TCF7: variants seen among roughly 807,000 people sequenced by gnomAD.
The protein encoded by TCF7 is T-cell-factor-7.
A neutral mutation model predicts 46.8 loss-of-function variants in TCF7; 19 were observed. The observed-to-expected ratio is 0.41, with a 90% confidence interval of 0.28 to 0.60. TCF7 has a LOEUF of 0.60. Ranked by LOEUF, TCF7 falls within the 20% of genes least tolerant of loss-of-function variation. TCF7 has a pLI of 0.35. For missense variants in TCF7, 547 were observed against 504.6 expected, an observed-to-expected ratio of 1.08 and a Z score of -0.81; for synonymous variants, 245 against 213.4, an observed-to-expected ratio of 1.15 and a Z score of -1.29.
intron 2 of TCF7, 133 bp from the exon 3 acceptor site, chr5:134,115,775 TC>T: frequency 6.6e-7 from 1 of 1,510,426 alleles, no homozygotes; most frequent in South Asian, 1.3e-5. Flanking sequence ...CTGCCGATAC[TC>T]CCAGCCCGTT....
intron 3 of TCF7, among the ~76,000 whole-genome samples, chr5:134,134,859 TG>T (rs1476279628): frequency 6.6e-6 from 1 of 152,210 alleles, no homozygotes; most frequent in Non-Finnish European, 1.5e-5. Context: ...AGAAGGATGC[TG>T]GAGGCTAAAG....
chr5:134,114,361 A>T (rs1359435812), upstream of TCF7, among the ~76,000 whole-genome samples: 6 of 152,160 alleles, frequency 3.9e-5, no homozygotes, highest in East Asian at 1.2e-3. Context: ...ATGGTAAGCC[A>T]CGCCCAAGTC....
In TCF7 at chr5:134,139,012, G is replaced by T. The variant is rs1759323027; in HGVS notation, c.609G>T (p.Met203Ile). Residue 203 changes from methionine to isoleucine, a missense_variant, in exon 5 of 10, where the codon ATG becomes ATT. Met to Ile is a conservative substitution (Grantham distance 10, BLOSUM62 1). Coordinates refer to ENST00000342854, the MANE Select transcript of TCF7 (RefSeq NM_003202.5). ...TCTACTCCCTGACCTCAGGCAGCAT[G>T]GGGCAGCTCCCCCACACTGTGAGCT... ...SGFYSLTSGSMGQLPHTVSWF... is the reference protein window; with the variant it reads ...SGFYSLTSGSIGQLPHTVSWF... 6.2e-7 allele frequency: 1 copy of T among 1,613,892 alleles called. No homozygotes were observed. Among genetic ancestry groups the T allele is most frequent in the Non-Finnish European group, 8.5e-7 (1 of 1,180,012 alleles).
At position 134,147,933 on chromosome 5, in the gene TCF7, G is replaced by C. The variant is rs772853939; in HGVS notation, c.*1630G>C. On this transcript the variant is annotated 3_prime_UTR_variant, in exon 10 of 10. Transcript: ENST00000342854. ...GGAGGTTCCAGTGAGCCGAGATGGCGCTATTGCACTCCAGTCTGGGTAACA... is the reference window on the plus strand; with the variant it reads ...GGAGGTTCCAGTGAGCCGAGATGGCCCTATTGCACTCCAGTCTGGGTAACA... The C allele has an allele frequency of 1.5e-5, 2 of 132,290 alleles. No individual in the cohort carries two copies. The highest frequency in any genetic ancestry group is 3.0e-5 in the Non-Finnish European group (2 of 65,756). The allele number at this position is 132,290 out of a possible 1,614,324, so 8.2% of individuals were successfully genotyped here.
In TCF7 at chr5:134,142,976, C is replaced by G; in HGVS notation, c.919-17C>G. On this transcript the variant is annotated splice_polypyrimidine_tract_variant and intron_variant, in intron 7 of 9. Transcript: ENST00000342854. ...GACTCCCTGATGCACCCCACCTGCC[C>G]CTCTTCCCTGTTGCAGTGGCACGCG... 1 of 1,613,754 alleles carries G rather than the reference C, an allele frequency of 6.2e-7. No individual in the cohort carries two copies. The highest frequency in any genetic ancestry group is 8.5e-7 in the Non-Finnish European group (1 of 1,179,752).
intron 4 of TCF7, 128 bp downstream of exon 4, chr5:134,138,292 C>T: frequency 2.7e-6 from 2 of 746,522 alleles, no homozygotes; most frequent in Admixed American, 3.0e-5. Flanking sequence ...ACTAAGGGCC[C>T]AAAGAAAATA....
At chr5:134,114,662 TGCCCGCCCCGCCCCCGGC>T (rs1379002873), upstream of TCF7, 4 of 124,060 alleles carry the variant, frequency 3.2e-5, no homozygotes, top group Non-Finnish European at 6.7e-5. Flanking sequence ...CCGCCCCCAG[TGCCCGCCCCGCCCCCGGC>T]ACTCGGCCGG....
chr5:134,143,937 C>G, intron 9 of TCF7: 1 of 384,116 alleles, frequency 2.6e-6, no homozygotes, highest in Admixed American at 4.1e-5. Flanking sequence ...CCAGAGAAAC[C>G]AGCAAAGAAC....
chr5:134,140,066 T>C (rs1759507375), intron 5 of TCF7, among the ~76,000 whole-genome samples: 1 of 152,050 alleles, frequency 6.6e-6, no homozygotes, highest in South Asian at 2.1e-4. Flanking sequence ...TACAGCAGAT[T>C]TTACCCACCA....
intron 3 of TCF7, among the ~76,000 whole-genome samples, chr5:134,124,606 A>C (rs1020540463): frequency 6.6e-6 from 1 of 152,320 alleles, no homozygotes; most frequent in East Asian, 1.9e-4. Context: ...CCAACTCCAT[A>C]GCTAGAACTC....
intron 4 of TCF7, chr5:134,138,723 C>G (rs1392003332): frequency 3.5e-6 from 2 of 576,972 alleles, no homozygotes; most frequent in Non-Finnish European, 5.9e-6. Flanking sequence ...CTACTGGCCC[C>G]CTAATGTCTT....
chr5:134,143,960 T>C (rs533589962), intron 9 of TCF7: 2 of 312,360 alleles, frequency 6.4e-6, no homozygotes, highest in Non-Finnish European at 1.2e-5. Context: ...ACTGTATGGT[T>C]TGATGCTTAG....
intron 3 of TCF7, 165 bp from the exon 4 acceptor site, chr5:134,137,894 G>A: frequency 2.0e-6 from 1 of 495,666 alleles, no homozygotes; most frequent in Middle Eastern, 5.3e-4. Context: ...GGGGGCTAGT[G>A]GGCGGGGTAC....
intron 3 of TCF7, among the ~76,000 whole-genome samples, chr5:134,133,242 C>A (rs980055908): frequency 2.6e-5 from 4 of 152,142 alleles, no homozygotes; most frequent in Non-Finnish European, 4.4e-5. Context: ...TTTAAACATC[C>A]CAGCATGCTT....
chr5:134,114,390 C>T (rs552045553), upstream of TCF7, among the ~76,000 whole-genome samples: 5 of 152,128 alleles, frequency 3.3e-5, no homozygotes, highest in African/African-American at 1.2e-4. Flanking sequence ...CTAGGGGACC[C>T]CCGCCCTCCA....
Position 134,116,017 on chromosome 5 carries a change from A to G in TCF7, c.425A>G (p.Gln142Arg). ...CCCTCGGGAGCAGGGCAGCACCCCC[A>G]GCCGCAGCCCCCGCTGGTAAGTGGA... ...PPPSGAGQHP[Q>R]PQPPLHKANQ... Residue 142 changes from glutamine to arginine, a missense_variant, in exon 3 of 10, where the codon CAG becomes CGG. Transcript: ENST00000342854. 2 of 1,612,880 alleles carry G rather than the reference A, an allele frequency of 1.2e-6. No individual in the cohort carries two copies. Among genetic ancestry groups the G allele is most frequent in the Non-Finnish European group, 8.5e-7 (1 of 1,179,714 alleles).
At chr5:134,135,746 G>T (rs1758768585) in intron 3 of TCF7, among the ~76,000 whole-genome samples, 1 of 152,148 alleles carries the variant, frequency 6.6e-6, no homozygotes, top group South Asian at 2.1e-4. Flanking sequence ...CTAGAAGTGG[G>T]GCTGGAGAAG....
intron 3 of TCF7, among the ~76,000 whole-genome samples, chr5:134,129,867 C>G (rs776264093): frequency 6.6e-6 from 1 of 152,256 alleles, no homozygotes; most frequent in Non-Finnish European, 1.5e-5. Context: ...TAGCAGAGCT[C>G]TGTGCAACTG....
Position 134,146,414 on chromosome 5 carries a change from C to G in TCF7, c.*111C>G. The G allele has an allele frequency of 7.7e-7, 1 of 1,296,958 alleles. No individual in the cohort carries two copies. Among genetic ancestry groups the G allele is most frequent in the Non-Finnish European group, 1.1e-6 (1 of 892,436 alleles). The allele number at this position is 1,296,958 out of a possible 1,614,324, so 80.3% of individuals were successfully genotyped here. ...GGAGCCGGCACCTACATCCCCAGGT[C>G]TCTCCACTGCTCTCAGCCTCCCAAC... On this transcript the variant is annotated 3_prime_UTR_variant, in exon 10 of 10. Transcript: ENST00000342854.
Sources: gnomAD v4.1 joint callset for allele counts (sites outside exome capture counted in the v4.1 genomes callset) on GRCh38, gnomAD v4.1.1 for gene constraint, MANE v1.5 for transcripts, NCBI Gene and HGNC (gene_info 2026-07-23, HGNC 2026-07-21) for gene names.